Variants in RASA1 observed in about 807,000 individuals in gnomAD.
RASA1 encodes RAS p21 protein activator 1.
In RASA1, 25 loss-of-function variants were observed where a neutral mutation model predicts 132.2. The observed-to-expected ratio is 0.19, with a 90% confidence interval of 0.14 to 0.26. The LOEUF (loss-of-function observed/expected upper bound fraction) is 0.26, where lower values mean the gene tolerates loss of function less well. Among genes scored for constraint, RASA1 ranks in the 10% least tolerant of loss-of-function variants. RASA1 has a pLI of 1.00. For missense variants in RASA1, 964 were observed against 1,299.2 expected (o/e 0.74, Z 3.97); for synonymous variants, 477 against 449.9 (o/e 1.06, Z -0.76).
At chr5:87,353,258 C>T (rs1415127074) in intron 9 of RASA1, 23 bp downstream of exon 9, 1 of 1,532,286 alleles carries the variant, frequency 6.5e-7, no homozygotes, top group Non-Finnish European at 9.0e-7. Flanking sequence ...TTTCTTATTG[C>T]AATAATTAGC....
intron 20 of RASA1, among the ~76,000 whole-genome samples, chr5:87,383,474 T>G (rs552305093): frequency 6.6e-6 from 1 of 152,194 alleles, no homozygotes; most frequent in East Asian, 1.9e-4. Context: ...TAATCCACAT[T>G]CTAAATTGGG....
intron 20 of RASA1, 151 bp downstream of exon 20, chr5:87,380,746 A>C: frequency 1.3e-6 from 1 of 753,018 alleles, no homozygotes; most frequent in East Asian, 2.7e-5. Context: ...ATGGCTCCTA[A>C]ACTGAAAGTT....
intron 1 of RASA1, among the ~76,000 whole-genome samples, chr5:87,273,427 G>C (rs2112232207): frequency 6.6e-6 from 1 of 152,198 alleles, no homozygotes; most frequent in African/African-American, 2.4e-5. Flanking sequence ...AATTAAAGAA[G>C]TTTGTCACTA....
chr5:87,292,412 A>G (rs1482683067), intron 1 of RASA1, among the ~76,000 whole-genome samples: 2 of 142,812 alleles, frequency 1.4e-5, no homozygotes, highest in Admixed American at 7.3e-5. Flanking sequence ...TTGTGCCAGC[A>G]CTGTTTGTTA....
intron 5 of RASA1, among the ~76,000 whole-genome samples, chr5:87,338,803 A>G (rs1299270714): frequency 6.6e-6 from 1 of 151,766 alleles, no homozygotes; most frequent in African/African-American, 2.4e-5. Context: ...TCAAATATAT[A>G]TATAATTTTC....
At chr5:87,383,048 T>G (rs1761831920) in intron 20 of RASA1, among the ~76,000 whole-genome samples, 1 of 152,060 alleles carries the variant, frequency 6.6e-6, no homozygotes, top group African/African-American at 2.4e-5. Context: ...GCTGTGATTG[T>G]GGGCCACTGC....
intron 6 of RASA1, among the ~76,000 whole-genome samples, chr5:87,342,215 A>G (rs1356829583): frequency 1.3e-5 from 2 of 148,756 alleles, no homozygotes; most frequent in South Asian, 2.1e-4. Flanking sequence ...GCTGGAGTGC[A>G]ATGGCACGAT....
At chr5:87,315,576 A>AAAG (rs1394489949) in intron 1 of RASA1, among the ~76,000 whole-genome samples, 2 of 152,246 alleles carry the variant, frequency 1.3e-5, no homozygotes, top group African/African-American at 4.8e-5. Flanking sequence ...TTGTGTTTTT[A>AAAG]AAGAAGTGTG....
chr5:87,380,945 T>C (rs1033207089), intron 20 of RASA1, among the ~76,000 whole-genome samples: 1 of 152,174 alleles, frequency 6.6e-6, no homozygotes, highest in African/African-American at 2.4e-5. Context: ...AGGGCAGTAA[T>C]TGACCGATTT....
At chr5:87,299,813 C>G (rs1755281666) in intron 1 of RASA1, 1 of 152,072 alleles carries the variant, frequency 6.6e-6, no homozygotes, top group Non-Finnish European at 1.5e-5. Flanking sequence ...ATGGTTCTTA[C>G]AAAGAAGGGG....
chr5:87,375,886 C>G (rs532507758), intron 15 of RASA1, among the ~76,000 whole-genome samples: 22 of 152,132 alleles, frequency 1.4e-4, no homozygotes, highest in Non-Finnish European at 2.2e-4. Context: ...ATTACTTTTA[C>G]GATAAAATCC....
At chr5:87,358,859 A>C (rs995420993) in intron 9 of RASA1, among the ~76,000 whole-genome samples, 1 of 152,094 alleles carries the variant, frequency 6.6e-6, no homozygotes, top group African/African-American at 2.4e-5. Flanking sequence ...GTAGCTGTTC[A>C]CTGTGTCCAA....
At chr5:87,356,372 A>G (rs1452599594) in intron 9 of RASA1, among the ~76,000 whole-genome samples, 1 of 151,592 alleles carries the variant, frequency 6.6e-6, no homozygotes, top group Non-Finnish European at 1.5e-5. Flanking sequence ...CTGACGTCCT[A>G]GATGATTGTT....
At chr5:87,359,368 T>A (rs1759900020) in intron 9 of RASA1, among the ~76,000 whole-genome samples, 2 of 152,182 alleles carry the variant, frequency 1.3e-5, no homozygotes, top group Admixed American at 1.3e-4. Context: ...AAGGAACACG[T>A]AGAGAAGCCT....
At chr5:87,344,565 A>G (rs1758706928) in intron 6 of RASA1, among the ~76,000 whole-genome samples, 1 of 152,004 alleles carries the variant, frequency 6.6e-6, no homozygotes, top group Non-Finnish European at 1.5e-5. Flanking sequence ...GCCGGAGTGC[A>G]GTAGTGCTAT....
At chr5:87,326,862 C>T (rs1229193788) in intron 1 of RASA1, among the ~76,000 whole-genome samples, 1 of 151,982 alleles carries the variant, frequency 6.6e-6, no homozygotes, top group Non-Finnish European at 1.5e-5. Flanking sequence ...AAATTAATGC[C>T]TTAGTAGAAA....
chr5:87,324,139 T>TA (rs1220677776), intron 1 of RASA1, among the ~76,000 whole-genome samples: 1 of 152,212 alleles, frequency 6.6e-6, no homozygotes, highest in East Asian at 1.9e-4. Context: ...AATGGTATGA[T>TA]ACTATAATTG....
intron 1 of RASA1, among the ~76,000 whole-genome samples, chr5:87,306,684 T>C (rs1437606821): frequency 6.6e-6 from 1 of 152,192 alleles, no homozygotes; most frequent in East Asian, 1.9e-4. Context: ...ATGTGGCCTT[T>C]TTTTTAAGAA....
intron 1 of RASA1, among the ~76,000 whole-genome samples, chr5:87,279,064 C>T (rs978792806): frequency 1.2e-4 from 18 of 151,652 alleles, no homozygotes; most frequent in Admixed American, 3.3e-4. Flanking sequence ...GGCAACATGG[C>T]GAAACCTTGT....
Sources: gnomAD v4.1 joint callset for allele counts (sites outside exome capture counted in the v4.1 genomes callset) on GRCh38, gnomAD v4.1.1 for gene constraint, MANE v1.5 for transcripts, NCBI Gene and HGNC (gene_info 2026-07-23, HGNC 2026-07-21) for gene names.